Variants in WWC2 observed in about 807,000 individuals in gnomAD.
The protein encoded by WWC2 is WW and C2 domain containing 2, also known as protein WWC2.
A neutral mutation model predicts 138.5 loss-of-function variants in WWC2; 101 were observed. That is an observed-to-expected ratio of 0.73 (90% confidence interval 0.62 to 0.86). The LOEUF is 0.86. WWC2 is among the 40% of genes least tolerant of loss of function. The probability of loss-of-function intolerance (pLI) is 0.00; values close to 1 mark genes in which losing one functional copy is unlikely to be tolerated. For missense variants in WWC2, 1,420 were observed against 1,419.4 expected (o/e 1.00, Z -0.01); for synonymous variants, 558 against 538.4 (o/e 1.04, Z -0.50).
intron 21 of WWC2, among the ~76,000 whole-genome samples, chr4:183,311,619 G>A (rs1739246416): frequency 7.4e-6 from 1 of 134,240 alleles, no homozygotes; most frequent in Non-Finnish European, 1.6e-5. Flanking sequence ...TCACTCTGTC[G>A]CCCAGGCTGG....
At chr4:183,268,877 C>G in intron 14 of WWC2, 94 bp from the exon 15 acceptor site, 1 of 1,300,316 alleles carries the variant, frequency 7.7e-7, no homozygotes, top group Non-Finnish European at 1.1e-6. Context: ...CACGATCCCT[C>G]ATTTTCTCTC....
chr4:183,208,178 A>G lies in WWC2; in HGVS notation c.445+22A>G, dbSNP rs1476055867. The stretch of plus-strand genomic sequence containing the variant: ...AGCTGTAAGTACAGTGTGGCTATTC[A>G]GACTTTGGAAGTGGAGACTGAATTG... On this transcript the variant is annotated intron_variant, in intron 3 of 22. Coordinates refer to ENST00000403733, the MANE Select transcript of WWC2 (RefSeq NM_024949.6). The G allele has an allele frequency of 1.9e-6, 3 of 1,611,002 alleles. No homozygotes were observed. The East Asian group carries it at 6.7e-5, about 36-fold the overall frequency.
chr4:183,192,276 C>T (rs1010809973), intron 1 of WWC2, among the ~76,000 whole-genome samples: 4 of 152,278 alleles, frequency 2.6e-5, no homozygotes, highest in South Asian at 4.1e-4. Context: ...AGGGAGAGTA[C>T]GTGAGGTTAT....
chr4:183,134,523 A>AG (rs1317638338), intron 1 of WWC2, among the ~76,000 whole-genome samples: 1 of 152,174 alleles, frequency 6.6e-6, no homozygotes, highest in East Asian at 1.9e-4. Flanking sequence ...ACTATTTAGA[A>AG]GTACCATTCT....
rs190344127 is a variant in WWC2 at position 183,318,960 on chromosome 4, C to G, written c.*3231C>G. Reference sequence around the variant, plus strand: ...GTGTGGCAGAGTCTACTTGAATCATCCAAAACCCAAGATCGCCCTCCTGCC... The same window carrying G: ...GTGTGGCAGAGTCTACTTGAATCATGCAAAACCCAAGATCGCCCTCCTGCC... On this transcript the variant is annotated 3_prime_UTR_variant, in exon 23 of 23. Transcript: ENST00000403733. 1 of 152,490 alleles carries G rather than the reference C, an allele frequency of 6.6e-6. No individual in the cohort carries two copies. The highest frequency in any genetic ancestry group is 1.9e-4 in the East Asian group (1 of 5,196). The allele number at this position is 152,490 out of a possible 1,614,324, so 9.4% of individuals were successfully genotyped here. A position where few individuals can be genotyped will look rare whatever the true frequency, so the allele number is the denominator to read the frequency against.
intron 1 of WWC2, among the ~76,000 whole-genome samples, chr4:183,118,553 A>G (rs764314645): frequency 2.0e-5 from 3 of 152,246 alleles, no homozygotes; most frequent in African/African-American, 7.2e-5. Flanking sequence ...CTGTGTTGCT[A>G]TGAGCAACAA....
chr4:183,117,648 T>G (rs1732456469), intron 1 of WWC2, among the ~76,000 whole-genome samples: 1 of 151,698 alleles, frequency 6.6e-6, no homozygotes, highest in Admixed American at 6.6e-5. Flanking sequence ...TTTAAAACAC[T>G]GAGACAAGGT....
At chr4:183,222,370 A>G (rs889925436) in intron 4 of WWC2, among the ~76,000 whole-genome samples, 3 of 152,000 alleles carry the variant, frequency 2.0e-5, no homozygotes, top group Non-Finnish European at 2.9e-5. Context: ...ATCTTTTAAC[A>G]TATCTATGAT....
In WWC2 at chr4:183,319,396, A is replaced by G. The variant is rs2111139904; in HGVS notation, c.*3667A>G. 1.3e-6 allele frequency: 1 copy of G among 780,314 alleles called. No homozygotes were observed. The highest frequency in any genetic ancestry group is 2.5e-5 in the East Asian group (1 of 40,096). The allele number at this position is 780,314 out of a possible 1,614,324, so 48.3% of individuals were successfully genotyped here. On this transcript the variant is annotated 3_prime_UTR_variant, in exon 23 of 23. Coordinates refer to ENST00000403733, the MANE Select transcript of WWC2 (RefSeq NM_024949.6). ...TTTGGTCTCAGACTAGAAGATAAAA[A>G]TGGTTTACCAGTCTTGGAAAGAAAC... is the stretch of plus-strand genomic sequence containing the variant.
rs1315153162 is a variant in WWC2, at chr4:183,140,292, C to A, written c.131+40670C>A. ...TCTAAAACAGTGAGTACATTGTAAA[C>A]TGTGACCTTGGTGGTCCAACGTATA... is the stretch of plus-strand genomic sequence containing the variant. On this transcript the variant is annotated intron_variant, in intron 1 of 22. Coordinates refer to ENST00000403733, the MANE Select transcript of WWC2 (RefSeq NM_024949.6). Among the ~76,000 whole-genome samples the A allele has an allele frequency of 2.0e-5, 3 of 152,214 alleles. No homozygotes were observed. In the East Asian group the frequency reaches 5.8e-4, roughly 29 times the overall value.
chr4:183,267,795 C>T (rs769271275), intron 14 of WWC2, among the ~76,000 whole-genome samples: 4 of 152,232 alleles, frequency 2.6e-5, no homozygotes, highest in Non-Finnish European at 5.9e-5. Flanking sequence ...TGGTGCGAAC[C>T]TTCCTGACAT....
At chr4:183,183,541 G>A (rs1447330257) in intron 1 of WWC2, among the ~76,000 whole-genome samples, 1 of 152,138 alleles carries the variant, frequency 6.6e-6, no homozygotes, top group African/African-American at 2.4e-5. Context: ...CCACACTTTG[G>A]GAGGCCAGCG....
At chr4:183,275,271 T>C (rs2111390150) in intron 16 of WWC2, among the ~76,000 whole-genome samples, 1 of 152,150 alleles carries the variant, frequency 6.6e-6, no homozygotes, top group Middle Eastern at 3.4e-3. Flanking sequence ...TGATTTTACT[T>C]CTTCCTTTCC....
At chr4:183,217,069 T>A (rs1735780506) in intron 4 of WWC2, among the ~76,000 whole-genome samples, 1 of 152,346 alleles carries the variant, frequency 6.6e-6, no homozygotes, top group South Asian at 2.1e-4. Context: ...GCATTGGACT[T>A]CTTCTAACAA....
chr4:183,313,591 G>T (rs138160738), intron 22 of WWC2, among the ~76,000 whole-genome samples: 31 of 152,064 alleles, frequency 2.0e-4, no homozygotes, highest in African/African-American at 7.5e-4. Context: ...TAAAGCCAGG[G>T]TTAGGGGTCA....
intron 11 of WWC2, among the ~76,000 whole-genome samples, chr4:183,263,518 T>C (rs1055087137): frequency 6.6e-6 from 1 of 152,218 alleles, no homozygotes; most frequent in African/African-American, 2.4e-5. Flanking sequence ...AAACTGCTGT[T>C]AAAAAGTTAC....
chr4:183,195,810 T>G lies in WWC2; in HGVS notation c.241+2102T>G, dbSNP rs1231780085. Among the ~76,000 whole-genome samples the G allele has an allele frequency of 2.6e-5, 4 of 152,206 alleles. No individual in the cohort carries two copies. In the East Asian group the frequency reaches 5.8e-4, roughly 22 times the overall value. ...TGCAAGAACTCCACTTCCTCCATTG[T>G]TCTCCACCATCTCACAGAACCTGTT... On this transcript the variant is annotated intron_variant, in intron 2 of 22. Transcript: ENST00000403733.
intron 21 of WWC2, among the ~76,000 whole-genome samples, chr4:183,291,826 A>G (rs1738461738): frequency 6.6e-6 from 1 of 152,170 alleles, no homozygotes; most frequent in South Asian, 2.1e-4. Flanking sequence ...AGTTCTTTGA[A>G]AAAAATGAAA....
intron 21 of WWC2, among the ~76,000 whole-genome samples, chr4:183,306,338 G>T (rs1186756295): frequency 1.3e-5 from 2 of 152,124 alleles, no homozygotes; most frequent in East Asian, 1.9e-4. Context: ...AAAACAGTTT[G>T]TCAGAGTTGA....
Sources: gnomAD v4.1 joint callset for allele counts (sites outside exome capture counted in the v4.1 genomes callset) on GRCh38, gnomAD v4.1.1 for gene constraint, MANE v1.5 for transcripts, NCBI Gene and HGNC (gene_info 2026-07-23, HGNC 2026-07-21) for gene names.